The following EXOC4 variants were observed in gnomAD, a reference collection of about 807,000 sequenced individuals.
EXOC4 encodes the protein exocyst complex component 4.
EXOC4 carries 71 observed loss-of-function variants against 107.2 expected under a neutral mutation model. That is an observed-to-expected ratio of 0.66 (90% CI 0.55 to 0.81). The LOEUF is 0.81. EXOC4 is among the 30% of genes least tolerant of loss of function. EXOC4 has a pLI of 0.00. For missense variants in EXOC4, 1,108 were observed against 1,189.6 expected (o/e 0.93, Z 1.01); for synonymous variants, 456 against 441.2 (o/e 1.03, Z -0.42).
chr7:133,621,466 C>T (rs756247753), intron 9 of EXOC4, among the ~76,000 whole-genome samples: 3 of 152,078 alleles, frequency 2.0e-5, no homozygotes, highest in Non-Finnish European at 4.4e-5. Context: ...AGCAAAACTC[C>T]GATTAGTTAT....
At chr7:133,406,108 G>A (rs1036042402) in intron 7 of EXOC4, among the ~76,000 whole-genome samples, 3 of 152,206 alleles carry the variant, frequency 2.0e-5, no homozygotes, top group East Asian at 1.9e-4. Flanking sequence ...TGCTCATAGA[G>A]CTCTTTTGTG....
intron 11 of EXOC4, among the ~76,000 whole-genome samples, chr7:133,843,813 C>A (rs954950184): frequency 6.6e-6 from 1 of 152,076 alleles, no homozygotes; most frequent in African/African-American, 2.4e-5. Context: ...ATAGATGGTT[C>A]ATATTATTTT....
intron 9 of EXOC4, among the ~76,000 whole-genome samples, chr7:133,481,308 A>G (rs1799151829): frequency 6.6e-6 from 1 of 152,184 alleles, no homozygotes; most frequent in African/African-American, 2.4e-5. Flanking sequence ...AAATTGCTAG[A>G]GAAATTACAA....
At chr7:133,833,777 C>T (rs1315792101) in intron 11 of EXOC4, among the ~76,000 whole-genome samples, 1 of 152,142 alleles carries the variant, frequency 6.6e-6, no homozygotes, top group Non-Finnish European at 1.5e-5. Flanking sequence ...GTTGGCCATG[C>T]TGGTCTCAAA....
At chr7:133,710,617 G>A (rs6962944) in intron 10 of EXOC4, among the ~76,000 whole-genome samples, 207 of 142,438 alleles carry the variant, frequency 1.5e-3, no homozygotes, top group African/African-American at 5.3e-3. Flanking sequence ...CCGAGATCCC[G>A]CCACTGCACT....
chr7:133,702,932 A>G (rs539817594), intron 10 of EXOC4, among the ~76,000 whole-genome samples: 5 of 152,304 alleles, frequency 3.3e-5, no homozygotes, highest in Non-Finnish European at 7.3e-5. Flanking sequence ...TATTATCACA[A>G]TCACCTTGAT....
intron 9 of EXOC4, among the ~76,000 whole-genome samples, chr7:133,519,760 T>G (rs1442740490): frequency 1.3e-5 from 2 of 152,178 alleles, no homozygotes; most frequent in East Asian, 3.9e-4. Context: ...GTCCAGCCAG[T>G]ACCGTTAGGA....
At chr7:133,563,775 T>C (rs747317469) in intron 9 of EXOC4, among the ~76,000 whole-genome samples, 2 of 152,242 alleles carry the variant, frequency 1.3e-5, no homozygotes, top group East Asian at 1.9e-4. Context: ...ACAATTCAAA[T>C]ATACGTGCTT....
intron 11 of EXOC4, among the ~76,000 whole-genome samples, chr7:133,819,595 TAG>T (rs1040292977): frequency 1.3e-5 from 2 of 152,058 alleles, no homozygotes; most frequent in Admixed American, 1.3e-4. Context: ...AGATGAGAAA[TAG>T]AGAGTAACAA....
At chr7:133,857,024 G>A (rs1054013223) in intron 11 of EXOC4, among the ~76,000 whole-genome samples, 4 of 146,348 alleles carry the variant, frequency 2.7e-5, no homozygotes, top group African/African-American at 7.6e-5. Context: ...TCGAACCCGG[G>A]AGGCAGAGGT....
chr7:134,023,887 TGAA>T (rs1400380171), intron 17 of EXOC4, among the ~76,000 whole-genome samples: 1 of 152,006 alleles, frequency 6.6e-6, no homozygotes, highest in East Asian at 1.9e-4. Flanking sequence ...AAGAAGATGA[TGAA>T]GGAGGATTTT....
At chr7:133,487,953 A>ACT (rs1167934241) in intron 9 of EXOC4, among the ~76,000 whole-genome samples, 2 of 152,142 alleles carry the variant, frequency 1.3e-5, no homozygotes, top group Non-Finnish European at 2.9e-5. Flanking sequence ...ATATAATACC[A>ACT]CTCATTATGA....
chr7:133,710,492 C>G (rs1794864681), intron 10 of EXOC4, among the ~76,000 whole-genome samples: 1 of 151,508 alleles, frequency 6.6e-6, no homozygotes. Context: ...AACCCCGTCT[C>G]TACTAAAAAT....
chr7:133,435,262 A>G (rs963734724), intron 7 of EXOC4, among the ~76,000 whole-genome samples: 3 of 152,186 alleles, frequency 2.0e-5, no homozygotes, highest in African/African-American at 7.2e-5. Context: ...ACAACGTTCC[A>G]TCGTGCTGAA....
At chr7:133,808,292 G>A (rs983224156) in intron 10 of EXOC4, among the ~76,000 whole-genome samples, 3 of 152,148 alleles carry the variant, frequency 2.0e-5, no homozygotes, top group African/African-American at 7.2e-5. Context: ...TGAATTAAGA[G>A]GCAAACGTGC....
intron 10 of EXOC4, among the ~76,000 whole-genome samples, chr7:133,703,366 C>A (rs916831703): frequency 6.6e-6 from 1 of 152,138 alleles, no homozygotes. Context: ...TGTAAGGATA[C>A]CTTCGTCACA....
At chr7:133,875,766 C>T (rs1015654567) in intron 11 of EXOC4, among the ~76,000 whole-genome samples, 19 of 152,182 alleles carry the variant, frequency 1.2e-4, no homozygotes, top group Non-Finnish European at 2.1e-4. Context: ...CTAGTCCCAC[C>T]ATTGAAACTG....
intron 9 of EXOC4, among the ~76,000 whole-genome samples, chr7:133,503,560 G>A (rs930420592): frequency 6.6e-6 from 1 of 152,100 alleles, no homozygotes; most frequent in African/African-American, 2.4e-5. Context: ...TGGGGAAAAA[G>A]GAAGAAAACT....
intron 10 of EXOC4, among the ~76,000 whole-genome samples, chr7:133,678,329 CTT>C (rs1380082126): frequency 1.3e-5 from 2 of 152,194 alleles, no homozygotes; most frequent in Non-Finnish European, 2.9e-5. Flanking sequence ...CAATTTCCCA[CTT>C]TGCTTGTAAA....
Sources: allele counts gnomAD v4.1 joint callset (sites outside exome capture counted in the v4.1 genomes callset), GRCh38; gene constraint gnomAD v4.1.1; transcripts MANE v1.5; gene names NCBI Gene and HGNC (gene_info 2026-07-23, HGNC 2026-07-21).